Variants in USF3 observed in about 807,000 individuals in gnomAD.
The protein encoded by USF3 is basic helix-loop-helix domain-containing protein USF3.
USF3 carries 29 observed loss-of-function variants against 157.5 expected under a neutral mutation model. The observed-to-expected ratio is 0.18, with a 90% confidence interval of 0.14 to 0.25. The LOEUF (loss-of-function observed/expected upper bound fraction) is 0.25, where lower values mean the gene tolerates loss of function less well. Ranked by LOEUF, USF3 falls within the 10% of genes least tolerant of loss-of-function variation. The probability of loss-of-function intolerance (pLI) is 1.00; values close to 1 mark genes in which losing one functional copy is unlikely to be tolerated. For synonymous variants in USF3, 893 were observed against 941.4 expected, an observed-to-expected ratio of 0.95 and a Z score of 0.94; for missense variants, 2,381 against 2,667.6, an observed-to-expected ratio of 0.89 and a Z score of 2.37.
intron 1 of USF3, among the ~76,000 whole-genome samples, chr3:113,695,095 T>C (rs1707771132): frequency 6.6e-6 from 1 of 152,168 alleles, no homozygotes; most frequent in Non-Finnish European, 1.5e-5. Context: ...TTGGGCCGCA[T>C]TAAAAGCCGT....
intron 1 of USF3, among the ~76,000 whole-genome samples, chr3:113,684,551 T>C (rs1056947226): frequency 1.3e-5 from 2 of 152,164 alleles, no homozygotes; most frequent in African/African-American, 4.8e-5. Context: ...TTTTTTTCTT[T>C]TGCCTCCTCT....
In USF3 at chr3:113,648,992, T is replaced by C. The variant is rs1228044024; in HGVS notation, c.*5952A>G. 1 of 152,546 alleles carries C rather than the reference T, an allele frequency of 6.6e-6. No individual in the cohort carries two copies. Among genetic ancestry groups the C allele is most frequent in the Non-Finnish European group, 1.5e-5 (1 of 68,016 alleles). 9.4% of individuals were successfully genotyped at this position (152,546 alleles called of 1,614,324 possible). On this transcript the variant is annotated 3_prime_UTR_variant, in exon 7 of 7. Transcript: ENST00000316407. ...TCTTAACACTATCTGGTCCCTTTCT[T>C]CTTGGAAGATCAATAGTTCAACTCC...
intron 1 of USF3, among the ~76,000 whole-genome samples, chr3:113,682,554 T>G (rs1294425542): frequency 6.6e-6 from 1 of 152,178 alleles, no homozygotes; most frequent in Non-Finnish European, 1.5e-5. Context: ...ATGCTGAAAG[T>G]GAAGTGTTGA....
chr3:113,686,788 AT>A (rs1337621375), intron 1 of USF3, among the ~76,000 whole-genome samples: 1 of 152,152 alleles, frequency 6.6e-6, no homozygotes, highest in African/African-American at 2.4e-5. Flanking sequence ...ACTTAACTGG[AT>A]TTTTTTCATT....
intron 1 of USF3, among the ~76,000 whole-genome samples, chr3:113,687,260 CA>C (rs1559725152): frequency 2.6e-5 from 4 of 151,400 alleles, no homozygotes; most frequent in African/African-American, 9.8e-5. Context: ...CACACACACA[CA>C]CACACCCCCT....
At chr3:113,667,667 G>A (rs1396175499) in intron 5 of USF3, among the ~76,000 whole-genome samples, 1 of 152,182 alleles carries the variant, frequency 6.6e-6, no homozygotes, top group Non-Finnish European at 1.5e-5. Context: ...AGGAGTTTGA[G>A]ACCAGCCTGG....
At chr3:113,692,199 T>C (rs1707701639) in intron 1 of USF3, among the ~76,000 whole-genome samples, 1 of 152,192 alleles carries the variant, frequency 6.6e-6, no homozygotes, top group African/African-American at 2.4e-5. Flanking sequence ...TGGGGACCCC[T>C]GCCTTAGAGG....
intron 5 of USF3, among the ~76,000 whole-genome samples, chr3:113,666,014 G>A (rs895552006): frequency 2.2e-4 from 33 of 151,622 alleles, no homozygotes; most frequent in African/African-American, 6.3e-4. Flanking sequence ...GAGAAACCCC[G>A]TCTCTACTAA....
chr3:113,686,547 C>A (rs1350812758), intron 1 of USF3, among the ~76,000 whole-genome samples: 1 of 152,164 alleles, frequency 6.6e-6, no homozygotes, highest in Non-Finnish European at 1.5e-5. Flanking sequence ...CCTCCACCTC[C>A]CAACATGCCA....
chr3:113,660,910 C>A lies in USF3; in HGVS notation c.772G>T (p.Ala258Ser), dbSNP rs1947472922. The A allele has an allele frequency of 6.2e-7, 1 of 1,614,134 alleles. No homozygotes were observed. ...VLGATSGSLI[A>S]VSIESEPHQH... The stretch of plus-strand genomic sequence containing the variant: ...TGAGGCTCAGATTCAATTGAAACAG[C>A]AATCAGTGAGCCACTAGTGGCACCA... Residue 258 changes from alanine (A) to serine (S), a missense_variant, in exon 7 of 7, where the codon GCT (alanine) becomes TCT (serine). Ala to Ser is a moderately conservative substitution (Grantham distance 99, BLOSUM62 1). Around this residue, in one of 6 missense-constraint regions of USF3, gnomAD observed 1,435 missense variants for 1,550.9 expected, o/e 0.93. Transcript: ENST00000316407.
rs561914332 is a variant in USF3 at position 113,654,184 on chromosome 3, C to A, written c.*760G>T. On this transcript the variant is annotated 3_prime_UTR_variant, in exon 7 of 7. Transcript: ENST00000316407. ...TACCCTTATGACCCGATGCAAAATG[C>A]AAGCACAAAACGGAGAATATGTATG... is the stretch of plus-strand genomic sequence containing the variant. 2.0e-5 allele frequency: 3 copies of A among 152,758 alleles called. No homozygotes were observed. The East Asian group carries it at 5.8e-4, about 29-fold the overall frequency. The allele number at this position is 152,758 out of a possible 1,614,324, so 9.5% of individuals were successfully genotyped here. A position where few individuals can be genotyped will look rare whatever the true frequency, so the allele number is the denominator to read the frequency against.
intron 1 of USF3, among the ~76,000 whole-genome samples, chr3:113,687,233 A>T (rs1273132956): frequency 2.9e-5 from 3 of 102,182 alleles, no homozygotes; most frequent in African/African-American, 1.2e-4. Flanking sequence ...ACACAGTCAC[A>T]CACACACACA....
rs767383096 is a variant in USF3, at chr3:113,677,018, C to T, written c.-19+264G>A. On this transcript the variant is annotated intron_variant, in intron 2 of 6. Coordinates refer to ENST00000316407, the MANE Select transcript of USF3 (RefSeq NM_001009899.4). ...GAGATATTTCAGGTTAACTTTAGCC[C>T]TAGGGAGGAGGGAGAAGGGTCCTGG... Among the ~76,000 whole-genome samples, 48 of 152,194 alleles carry T rather than the reference C, an allele frequency of 3.2e-4. 1 individual carries two copies. Among genetic ancestry groups the T allele is most frequent in the Middle Eastern group, 3.4e-3 (1 of 292 alleles).
chr3:113,671,375 ATGGGATC>A (rs1224706814), intron 4 of USF3, among the ~76,000 whole-genome samples: 1 of 152,170 alleles, frequency 6.6e-6, no homozygotes, highest in Non-Finnish European at 1.5e-5. Flanking sequence ...GGTTTTCTCT[ATGGGATC>A]TGGGATCTGG....
Position 113,657,990 on chromosome 3 carries a change from G to A in USF3, c.3692C>T (p.Ser1231Phe), listed in dbSNP as rs1283598783. 2.2e-5 allele frequency: 36 copies of A among 1,614,064 alleles called. No homozygotes were observed. The highest frequency in any genetic ancestry group is 3.0e-5 in the Non-Finnish European group (35 of 1,180,038). Residue 1231 changes from serine (S) to phenylalanine (F), a missense_variant, in exon 7 of 7, where the codon TCT becomes TTT. Transcript: ENST00000316407. ...TSNASLQDSTSQPPSITSLSV... is the reference protein window; with the variant it reads ...TSNASLQDSTFQPPSITSLSV... ...TAAACTGGTGATGCTTGGTGGCTGAGAAGTTGAATCCTGTAAAGATGCATT... is the reference window on the plus strand; with the variant it reads ...TAAACTGGTGATGCTTGGTGGCTGAAAAGTTGAATCCTGTAAAGATGCATT...
Position 113,658,195 on chromosome 3 carries a change from TTGAAGCAACTTC to T in USF3, c.3475_3486del (p.Glu1159_Ser1162del). The T allele has an allele frequency of 6.2e-7, 1 of 1,614,150 alleles. No individual in the cohort carries two copies. Among genetic ancestry groups the T allele is most frequent in the Non-Finnish European group, 8.5e-7 (1 of 1,180,012 alleles). ...TCTAACAATGATGCTTCAGAAGGCT[TTGAAGCAACTTC>T]CCTTATATCAGCCTGGAGGCCAACT... On this transcript the variant is annotated inframe_deletion, in exon 7 of 7. Transcript: ENST00000316407.
chr3:113,669,236 C>A (rs1224663838), intron 5 of USF3, among the ~76,000 whole-genome samples: 1 of 151,548 alleles, frequency 6.6e-6, no homozygotes, highest in African/African-American at 2.4e-5. Flanking sequence ...AAAAGCATAA[C>A]AACGAGTCAA....
rs201234859 is a variant in USF3, at chr3:113,657,777, G to T, written c.3905C>A (p.Thr1302Asn). Residue 1302 changes from threonine (T) to asparagine (N), a missense_variant, in exon 7 of 7, where the codon ACT (threonine) becomes AAT (asparagine). Physicochemically the swap from Thr to Asn is moderately conservative, Grantham distance 65. This residue lies in a region of USF3 where 1,435 missense variants were observed against 1,550.9 expected (regional missense o/e 0.93). Transcript: ENST00000316407. ...TGAATTTGGTATGGTACTAGTCATAGTATTTAGCTGTTCTTGGGAATATTC... is the reference window on the plus strand; with the variant it reads ...TGAATTTGGTATGGTACTAGTCATATTATTTAGCTGTTCTTGGGAATATTC... The part of the protein sequence containing the change: ...MTEYSQEQLN[T>N]MTSTIPNSQI... 6.2e-6 allele frequency: 10 copies of T among 1,614,120 alleles called. No individual in the cohort carries two copies. The highest frequency in any genetic ancestry group is 8.5e-6 in the Non-Finnish European group (10 of 1,180,002).
chr3:113,682,018 C>A (rs182762816), intron 1 of USF3, among the ~76,000 whole-genome samples: 1 of 152,186 alleles, frequency 6.6e-6, no homozygotes, highest in African/African-American at 2.4e-5. Context: ...CAGGGAAACC[C>A]GGCTAAAAAT....
Sources: gnomAD v4.1 joint callset for allele counts (sites outside exome capture counted in the v4.1 genomes callset) on GRCh38, gnomAD v4.1.1 for gene constraint, gnomAD v4.1.1 regional missense constraint, MANE v1.5 for transcripts, NCBI Gene and HGNC (gene_info 2026-07-23, HGNC 2026-07-21) for gene names.